The following UBOX5 variants were observed in gnomAD, a reference collection of about 807,000 sequenced individuals.
The protein encoded by UBOX5 is U-box domain containing 5.
A neutral mutation model predicts 39.0 loss-of-function variants in UBOX5; 28 were observed. The observed-to-expected ratio is 0.72, with a 90% CI of 0.53 to 0.98. The LOEUF is 0.98. Among genes scored for constraint, UBOX5 ranks in the 50% least tolerant of loss-of-function variants. The pLI is 0.00. For missense variants in UBOX5, 585 were observed against 674.4 expected (o/e 0.87, Z 1.47); for synonymous variants, 283 against 275.5 (o/e 1.03, Z -0.27).
chr20:3,115,495 C>A (rs1227664134), intron 3 of UBOX5, 29 bp from the exon 4 acceptor site: 7 of 1,580,466 alleles, frequency 4.4e-6, no homozygotes, highest in Non-Finnish European at 5.2e-6. Flanking sequence ...AGCACAACAT[C>A]CAGAGACAGG....
intron 3 of UBOX5, among the ~76,000 whole-genome samples, chr20:3,117,287 GCACA>G (rs11468015): frequency 0.14 from 21,040 of 147,304 alleles, 1,899 homozygotes; most frequent in Non-Finnish European, 0.22. Context: ...ACCAAAGATG[GCACA>G]CACACACACA....
chr20:3,110,668 C>T (rs1473506549), intron 4 of UBOX5: 5 of 307,558 alleles, frequency 1.6e-5, no homozygotes, highest in African/African-American at 6.4e-5. Flanking sequence ...CTCACTCTGA[C>T]AAGATAAACT....
In UBOX5 at chr20:3,121,494, G is replaced by A; in HGVS notation, c.1145C>T (p.Ser382Phe). Reference sequence around the variant, plus strand: ...CAAAGGGCTTGTGGCAGAAAAACAGGAAGCATTTACACCAAAGTTACTGTC... The same window carrying A: ...CAAAGGGCTTGTGGCAGAAAAACAGAAAGCATTTACACCAAAGTTACTGTC... The part of the protein sequence containing the change: ...VPDSNFGVNA[S>F]CFSATSPLVL... Residue 382 changes from serine to phenylalanine, a missense_variant, in exon 3 of 5, where the codon TCC becomes TTC. Physicochemically the swap from Ser to Phe is radical, Grantham distance 155. Coordinates refer to ENST00000217173, the MANE Select transcript of UBOX5 (RefSeq NM_014948.4). The A allele has an allele frequency of 6.2e-7, 1 of 1,614,116 alleles. No homozygotes were observed. Among genetic ancestry groups the A allele is most frequent in the Non-Finnish European group, 8.5e-7 (1 of 1,180,030 alleles).
intron 1 of UBOX5, chr20:3,146,719 A>G: frequency 6.6e-7 from 1 of 1,523,130 alleles, no homozygotes. Flanking sequence ...ATCATTTTGC[A>G]ACACCTGGTA....
At chr20:3,127,282 G>T (rs1383700575) in intron 1 of UBOX5, among the ~76,000 whole-genome samples, 1 of 151,996 alleles carries the variant, frequency 6.6e-6, no homozygotes, top group African/African-American at 2.4e-5. Flanking sequence ...CACCCTCTGG[G>T]CCCCTTTTGC....
At chr20:3,128,618 T>C (rs915383660) in intron 1 of UBOX5, among the ~76,000 whole-genome samples, 5 of 151,910 alleles carry the variant, frequency 3.3e-5, no homozygotes, top group African/African-American at 1.2e-4. Context: ...TCCGAACACT[T>C]TAGGAGGTTA....
intron 3 of UBOX5, among the ~76,000 whole-genome samples, chr20:3,119,984 G>A (rs2066321543): frequency 1.3e-5 from 2 of 152,056 alleles, no homozygotes; most frequent in African/African-American, 2.4e-5. Context: ...GGAGAGAGCA[G>A]CATCACCGGC....
chr20:3,147,594 C>T (rs375315997), intron 1 of UBOX5: 8 of 1,614,010 alleles, frequency 5.0e-6, no homozygotes, highest in South Asian at 2.2e-5. Flanking sequence ...GGACTGAGAG[C>T]GAAATCAATT....
intron 1 of UBOX5, among the ~76,000 whole-genome samples, chr20:3,124,700 T>C (rs1448239891): frequency 1.9e-4 from 18 of 96,248 alleles, no homozygotes; most frequent in Middle Eastern, 8.2e-3. Flanking sequence ...GCCGCCACCC[T>C]GTCTGGGATG....
Position 3,149,056 on chromosome 20 carries a change from G to A in UBOX5, c.-42+10710C>T. On this transcript the variant is annotated intron_variant, in intron 1 of 4. Coordinates refer to ENST00000217173, the MANE Select transcript of UBOX5 (RefSeq NM_014948.4). The surrounding 1 kb of genome is among the most constrained non-coding windows in gnomAD (Gnocchi z 4.1). ...GGTATCTTACAAGTTTTAATGACTTGAGAGTAGCTGCCATTCTGGTGTCAG... is the reference window on the plus strand; with the variant it reads ...GGTATCTTACAAGTTTTAATGACTTAAGAGTAGCTGCCATTCTGGTGTCAG... 1 of 1,610,842 alleles carries A rather than the reference G, an allele frequency of 6.2e-7. No homozygotes were observed. Among genetic ancestry groups the A allele is most frequent in the African/African-American group, 1.3e-5 (1 of 74,962 alleles).
chr20:3,144,613 AAAT>A (rs2066544277), intron 1 of UBOX5, among the ~76,000 whole-genome samples: 1 of 152,176 alleles, frequency 6.6e-6, no homozygotes, highest in Non-Finnish European at 1.5e-5. Context: ...ACTAAAGAAA[AAAT>A]AATAAATTGG....
At chr20:3,140,024 T>TTTTTTTTTTTTTTTTG (rs2066503949) in intron 1 of UBOX5, among the ~76,000 whole-genome samples, 1 of 137,842 alleles carries the variant, frequency 7.3e-6, no homozygotes, top group Non-Finnish European at 1.6e-5. Flanking sequence ...CTTTTTTTTT[T>TTTTTTTTTTTTTTTTG]TTTTTTTTTT....
Position 3,109,905 on chromosome 20 carries a change from C to A in UBOX5, c.*201G>T. 1.5e-6 allele frequency: 1 copy of A among 656,402 alleles called. No homozygotes were observed. Among genetic ancestry groups the A allele is most frequent in the Non-Finnish European group, 2.6e-6 (1 of 385,886 alleles). 40.7% of individuals were successfully genotyped at this position (656,402 alleles called of 1,614,324 possible). A position where few individuals can be genotyped will look rare whatever the true frequency, so the allele number is the denominator to read the frequency against. On this transcript the variant is annotated 3_prime_UTR_variant, in exon 5 of 5. Transcript: ENST00000217173. ...AGGGAGGCAGGGACATCCCCCCGCC[C>A]TCTGGCCTATGGCTTTGTTGCCCTA...
intron 1 of UBOX5, among the ~76,000 whole-genome samples, chr20:3,138,553 A>G (rs2066490324): frequency 6.6e-6 from 1 of 152,150 alleles, no homozygotes; most frequent in South Asian, 2.1e-4. Flanking sequence ...CAGAAAGGGA[A>G]GTGCAAGGGA....
chr20:3,148,916 G>A, intron 1 of UBOX5: 1 of 1,614,176 alleles, frequency 6.2e-7, no homozygotes, highest in Non-Finnish European at 8.5e-7. Flanking sequence ...TTTTTTGGCA[G>A]AATGGCAGAG....
chr20:3,110,192 C>A lies in UBOX5; in HGVS notation c.1540G>T (p.Gly514Cys), dbSNP rs143998791. 2.6e-4 allele frequency: 419 copies of A among 1,613,814 alleles called. No homozygotes were observed. Among genetic ancestry groups the A allele is most frequent in the Non-Finnish European group, 3.5e-4 (409 of 1,180,022 alleles). Reference sequence around the variant, plus strand: ...ATGGGCAGGGAGCGTTGCTTCTCACCCAGGCAGGGTCGGCACAGGAGGTGG... The same window carrying A: ...ATGGGCAGGGAGCGTTGCTTCTCACACAGGCAGGGTCGGCACAGGAGGTGG... ...CGHLLCRPCL[G>C]EKQRSLPMTC... Residue 514 changes from glycine (G) to cysteine (C), a missense_variant, in exon 5 of 5, where the codon GGT becomes TGT. By Grantham distance (159) the Gly-to-Cys change is radical. Transcript: ENST00000217173.
chr20:3,156,184 T>C (rs574086880), intron 1 of UBOX5, among the ~76,000 whole-genome samples: 1 of 151,350 alleles, frequency 6.6e-6, no homozygotes, highest in East Asian at 1.9e-4. Flanking sequence ...TTTTTTTTTT[T>C]TTTTTTTTTG....
At chr20:3,146,874 C>T (rs769077588) in intron 1 of UBOX5, 1 of 1,614,210 alleles carries the variant, frequency 6.2e-7, no homozygotes. Flanking sequence ...GATAACTCTA[C>T]CACACGGTAG....
At chr20:3,152,090 G>C (rs1439608632) in intron 1 of UBOX5, among the ~76,000 whole-genome samples, 10 of 119,270 alleles carry the variant, frequency 8.4e-5, no homozygotes, top group Non-Finnish European at 1.6e-4. Context: ...GGGTGACAGA[G>C]ACTCTGTCTC....
Sources: gnomAD v4.1 joint callset for allele counts (sites outside exome capture counted in the v4.1 genomes callset) on GRCh38, gnomAD v4.1.1 for gene constraint, Gnocchi (gnomAD v3.1) non-coding constraint, MANE v1.5 for transcripts, NCBI Gene and HGNC (gene_info 2026-07-23, HGNC 2026-07-21) for gene names.